ZNF385D: variants seen among roughly 807,000 people sequenced by gnomAD.
ZNF385D encodes the protein zinc finger protein 385D.
A neutral mutation model predicts 35.8 loss-of-function variants in ZNF385D; 15 were observed. The observed-to-expected ratio is 0.42, with a 90% CI of 0.28 to 0.64. The LOEUF is 0.64. Ranked by LOEUF, ZNF385D falls within the 30% of genes least tolerant of loss-of-function variation. The pLI, the probability that ZNF385D is intolerant of heterozygous loss-of-function variation, is 0.23. For missense variants in ZNF385D, 474 were observed against 494.6 expected, an observed-to-expected ratio of 0.96 and a Z score of 0.39; for synonymous variants, 212 against 186.8, an observed-to-expected ratio of 1.13 and a Z score of -1.10.
intron 3 of ZNF385D, among the ~76,000 whole-genome samples, chr3:22,090,765 CTG>C (rs1195296416): frequency 6.6e-6 from 1 of 152,140 alleles, no homozygotes; most frequent in African/African-American, 2.4e-5. Flanking sequence ...ATTGACAACA[CTG>C]AATGTACGAA....
chr3:21,510,811 A>T (rs1559360714), intron 4 of ZNF385D, 50 bp downstream of exon 4: 1 of 1,607,398 alleles, frequency 6.2e-7, no homozygotes, highest in Non-Finnish European at 8.5e-7. Flanking sequence ...AAGGGAGGGA[A>T]TCCCCAACGA....
intron 3 of ZNF385D, among the ~76,000 whole-genome samples, chr3:22,084,589 G>C (rs1700929597): frequency 6.6e-6 from 1 of 152,140 alleles, no homozygotes; most frequent in Non-Finnish European, 1.5e-5. Flanking sequence ...CAAGTCCCTA[G>C]CAACCTACAA....
chr3:22,116,669 A>G (rs1702827657), intron 3 of ZNF385D, among the ~76,000 whole-genome samples: 1 of 152,088 alleles, frequency 6.6e-6, no homozygotes, highest in Non-Finnish European at 1.5e-5. Flanking sequence ...CACATAGTTG[A>G]TTTGAAGAGA....
intron 2 of ZNF385D, among the ~76,000 whole-genome samples, chr3:22,181,592 G>A (rs967096551): frequency 1.3e-5 from 2 of 151,836 alleles, no homozygotes; most frequent in Non-Finnish European, 2.9e-5. Flanking sequence ...CAGCTACTCT[G>A]GAGGCTGAGG....
At chr3:21,507,886 A>T (rs750359849) in intron 4 of ZNF385D, among the ~76,000 whole-genome samples, 4 of 152,250 alleles carry the variant, frequency 2.6e-5, no homozygotes, top group Admixed American at 2.6e-4. Flanking sequence ...AGGGTCTACG[A>T]AATGGGTGTC....
intron 3 of ZNF385D, among the ~76,000 whole-genome samples, chr3:21,883,768 T>C (rs1389851191): frequency 1.3e-5 from 2 of 152,036 alleles, no homozygotes; most frequent in East Asian, 1.9e-4. Context: ...CTAGAATTTA[T>C]GTATGTGGAA....
chr3:22,035,940 T>TTC (rs397727498), intron 3 of ZNF385D, among the ~76,000 whole-genome samples: 1 of 152,128 alleles, frequency 6.6e-6, no homozygotes, highest in East Asian at 1.9e-4. Flanking sequence ...AGTTTTTTTT[T>TTC]CCAAGATAAA....
At chr3:22,131,724 G>A (rs183120984) in intron 3 of ZNF385D, among the ~76,000 whole-genome samples, 1 of 152,270 alleles carries the variant, frequency 6.6e-6, no homozygotes, top group Non-Finnish European at 1.5e-5. Context: ...ATATCACAGA[G>A]GGAGTTTTTG....
intron 4 of ZNF385D, among the ~76,000 whole-genome samples, chr3:21,444,387 G>GTTTT (rs137978112): frequency 1.5e-5 from 2 of 133,852 alleles, no homozygotes; most frequent in Non-Finnish European, 3.2e-5. Flanking sequence ...GCCTTTTTTT[G>GTTTT]TTTTTTTTTT....
intron 3 of ZNF385D, among the ~76,000 whole-genome samples, chr3:21,994,290 A>G (rs150512937): frequency 2.0e-5 from 3 of 152,218 alleles, no homozygotes; most frequent in African/African-American, 7.2e-5. Flanking sequence ...AGGGAAAGTG[A>G]TAAGTTGAGA....
In ZNF385D at chr3:21,511,526, T is replaced by C. The variant is rs184118822; in HGVS notation, c.277-503A>G. ...GAAGTAAGCACCCTGGAGACTGAGA[T>C]TGAAGCTTTAGAGTTCAAAAGCAAA... On this transcript the variant is annotated intron_variant, in intron 3 of 7. Coordinates refer to ENST00000281523, the MANE Select transcript of ZNF385D (RefSeq NM_024697.3). 1.2e-4 allele frequency: 45 copies of C among 368,588 alleles called. 1 individual carries two copies. The Admixed American group carries it at 1.3e-3, about 11-fold the overall frequency. 22.8% of individuals were successfully genotyped at this position (368,588 alleles called of 1,614,324 possible). A position where few individuals can be genotyped will look rare whatever the true frequency, so the allele number is the denominator to read the frequency against.
chr3:21,514,207 G>T (rs1342746761), intron 3 of ZNF385D, among the ~76,000 whole-genome samples: 5 of 152,060 alleles, frequency 3.3e-5, no homozygotes, highest in African/African-American at 1.2e-4. Flanking sequence ...TTTTCTGAGG[G>T]TCGTCATTGC....
chr3:22,276,540 A>C (rs575837344), intron 2 of ZNF385D, among the ~76,000 whole-genome samples: 220 of 152,288 alleles, frequency 1.4e-3, no homozygotes, highest in African/African-American at 4.7e-3. Context: ...TTTATACTTG[A>C]AAATTGATGA....
intron 3 of ZNF385D, among the ~76,000 whole-genome samples, chr3:22,078,412 A>G (rs1466899814): frequency 1.3e-5 from 2 of 152,078 alleles, no homozygotes; most frequent in East Asian, 1.9e-4. Flanking sequence ...CAGTGCTACC[A>G]TCAAGTGTGA....
chr3:21,736,624 G>A (rs540807928), intron 1 of ZNF385D, among the ~76,000 whole-genome samples: 6 of 152,266 alleles, frequency 3.9e-5, no homozygotes, highest in Admixed American at 3.3e-4. Flanking sequence ...AGCACAGGAC[G>A]TCTTTCAACT....
At chr3:22,170,291 T>C (rs1453787011) in intron 2 of ZNF385D, among the ~76,000 whole-genome samples, 1 of 152,210 alleles carries the variant, frequency 6.6e-6, no homozygotes, top group Non-Finnish European at 1.5e-5. Flanking sequence ...TTATACAAAC[T>C]TAATGATACA....
intron 3 of ZNF385D, among the ~76,000 whole-genome samples, chr3:22,160,159 A>G (rs1378340106): frequency 6.6e-6 from 1 of 152,094 alleles, no homozygotes; most frequent in Non-Finnish European, 1.5e-5. Context: ...TGGAACTGTG[A>G]GTGAAATCTT....
At chr3:21,434,805 C>T (rs1701470105) in intron 5 of ZNF385D, among the ~76,000 whole-genome samples, 1 of 152,012 alleles carries the variant, frequency 6.6e-6, no homozygotes, top group Non-Finnish European at 1.5e-5. Flanking sequence ...ATCTCAGATG[C>T]AGGAGGGAAA....
At chr3:21,835,631 C>A (rs78320843) in intron 3 of ZNF385D, among the ~76,000 whole-genome samples, 1 of 151,846 alleles carries the variant, frequency 6.6e-6, no homozygotes, top group Non-Finnish European at 1.5e-5. Context: ...GAGAAAGAGG[C>A]ATGTAGCCTA....
Sources: allele counts gnomAD v4.1 joint callset (sites outside exome capture counted in the v4.1 genomes callset), GRCh38; gene constraint gnomAD v4.1.1; transcripts MANE v1.5; gene names NCBI Gene and HGNC (gene_info 2026-07-23, HGNC 2026-07-21).